CSNK1G1: variants seen among roughly 807,000 people sequenced by gnomAD.
The protein encoded by CSNK1G1 is casein kinase 1 gamma 1, also known as casein kinase I isoform gamma-1.
In CSNK1G1, 22 loss-of-function variants were observed where a neutral mutation model predicts 59.6. The observed-to-expected ratio is 0.37, with a 90% confidence interval of 0.26 to 0.53. The LOEUF (loss-of-function observed/expected upper bound fraction) is 0.53, where lower values mean the gene tolerates loss of function less well. CSNK1G1 is among the 20% of genes least tolerant of loss of function. The pLI is 0.89. For missense variants in CSNK1G1, 384 were observed against 519.5 expected (o/e 0.74, Z 2.54); for synonymous variants, 179 against 177.1 (o/e 1.01, Z -0.08).
chr15:64,237,463 G>A (rs995677292), intron 4 of CSNK1G1, among the ~76,000 whole-genome samples: 1 of 152,098 alleles, frequency 6.6e-6, no homozygotes, highest in African/African-American at 2.4e-5. Context: ...AAGATCAAAA[G>A]GTTTCTTCTA....
rs140434152 is a variant in CSNK1G1, at chr15:64,222,705, G to A, written c.293-5992C>T. Reference sequence around the variant, plus strand: ...AAAAAAAAACCCAAAATGAGATGCAGTGACTTCACCTCCTACCTACTGAGT... The same window carrying A: ...AAAAAAAAACCCAAAATGAGATGCAATGACTTCACCTCCTACCTACTGAGT... On this transcript the variant is annotated intron_variant, in intron 4 of 11. Coordinates refer to ENST00000303052, the MANE Select transcript of CSNK1G1 (RefSeq NM_022048.5). Among the ~76,000 whole-genome samples the A allele has an allele frequency of 4.1e-3, 619 of 150,954 alleles. 1 individual carries two copies. Among genetic ancestry groups the A allele is most frequent in the Non-Finnish European group, 6.8e-3 (461 of 67,882 alleles).
At chr15:64,257,814 G>A (rs1233666136) in intron 3 of CSNK1G1, among the ~76,000 whole-genome samples, 1 of 152,162 alleles carries the variant, frequency 6.6e-6, no homozygotes, top group East Asian at 1.9e-4. Flanking sequence ...ATGAGCCACT[G>A]TGTCTGTTCG....
At chr15:64,194,708 G>C (rs1014378127) in intron 10 of CSNK1G1, among the ~76,000 whole-genome samples, 47 of 151,760 alleles carry the variant, frequency 3.1e-4, no homozygotes, top group Middle Eastern at 3.4e-3. Context: ...TAGAGACAGG[G>C]TTTCACCATG....
At chr15:64,264,082 G>C (rs1892851352) in intron 2 of CSNK1G1, among the ~76,000 whole-genome samples, 2 of 152,010 alleles carry the variant, frequency 1.3e-5, no homozygotes, top group Non-Finnish European at 2.9e-5. Context: ...GAAAGTTCTT[G>C]TGAGAAAGTT....
rs1410943478 is a variant in CSNK1G1 at position 64,168,045 on chromosome 15, ATTACT to A, written c.*3881_*3885del. On this transcript the variant is annotated 3_prime_UTR_variant, in exon 12 of 12. Transcript: ENST00000303052. The stretch of plus-strand genomic sequence containing the variant: ...TCTTCCCACTGAACTAAGTTTGGAA[ATTACT>A]TTAGGGGTGATGGTCACCTTTTCTG... The A allele has an allele frequency of 2.6e-5, 4 of 152,388 alleles. No individual in the cohort carries two copies. The highest frequency in any genetic ancestry group is 2.0e-4 in the Admixed American group (3 of 15,282). 9.4% of individuals were successfully genotyped at this position (152,388 alleles called of 1,614,324 possible).
At chr15:64,241,867 C>T (rs1377384323) in intron 4 of CSNK1G1, among the ~76,000 whole-genome samples, 11 of 147,578 alleles carry the variant, frequency 7.5e-5, no homozygotes, top group Admixed American at 2.7e-4. Context: ...GAGCAGAAAT[C>T]AACAAAATTA....
chr15:64,204,682 A>G (rs1315767321), intron 8 of CSNK1G1, 93 bp from the exon 9 acceptor site: 8 of 1,371,766 alleles, frequency 5.8e-6, no homozygotes, highest in Non-Finnish European at 6.1e-6. Context: ...GGTTATTTAT[A>G]CAGACAATTT....
At chr15:64,299,404 T>C (rs867101046) in intron 2 of CSNK1G1, among the ~76,000 whole-genome samples, 37 of 151,984 alleles carry the variant, frequency 2.4e-4, no homozygotes, top group African/African-American at 7.2e-4. Flanking sequence ...CTGGCTAACA[T>C]GGTGAAACCC....
intron 2 of CSNK1G1, chr15:64,265,884 G>C (rs1892954345): frequency 2.2e-6 from 1 of 454,116 alleles, no homozygotes; most frequent in Admixed American, 2.4e-5. Flanking sequence ...AGGAGTTTGA[G>C]AGCAGCTAAG....
intron 2 of CSNK1G1, among the ~76,000 whole-genome samples, chr15:64,276,273 G>A (rs1265790418): frequency 6.6e-6 from 1 of 152,146 alleles, no homozygotes; most frequent in African/African-American, 2.4e-5. Context: ...AAACTGGAGT[G>A]AATCATTCTA....
chr15:64,269,575 C>T (rs1008235640), intron 2 of CSNK1G1, among the ~76,000 whole-genome samples: 5 of 150,378 alleles, frequency 3.3e-5, no homozygotes, highest in African/African-American at 1.2e-4. Flanking sequence ...CTCACTGCAA[C>T]CTCTGCCTCC....
At chr15:64,266,080 T>G (rs1481742613) in intron 2 of CSNK1G1, among the ~76,000 whole-genome samples, 1 of 152,140 alleles carries the variant, frequency 6.6e-6, no homozygotes, top group Non-Finnish European at 1.5e-5. Context: ...TTTTTTTTTT[T>G]GGAGACAGAG....
chr15:64,348,968 C>T (rs749478986), intron 1 of CSNK1G1, among the ~76,000 whole-genome samples: 11 of 151,998 alleles, frequency 7.2e-5, no homozygotes, highest in Non-Finnish European at 1.3e-4. Context: ...CCCATCTCTA[C>T]TAAAAATACA....
chr15:64,331,320 A>G (rs1897101811), intron 1 of CSNK1G1, among the ~76,000 whole-genome samples: 1 of 140,816 alleles, frequency 7.1e-6, no homozygotes, highest in Non-Finnish European at 1.5e-5. Flanking sequence ...TACTAGTACC[A>G]AAACAGAGAT....
At chr15:64,283,203 C>T (rs1365427947) in intron 2 of CSNK1G1, among the ~76,000 whole-genome samples, 1 of 152,030 alleles carries the variant, frequency 6.6e-6, no homozygotes, top group Non-Finnish European at 1.5e-5. Flanking sequence ...AAAAAAAAAT[C>T]CTTTGCCTAT....
At chr15:64,308,988 T>C (rs1895846043) in intron 1 of CSNK1G1, among the ~76,000 whole-genome samples, 2 of 152,124 alleles carry the variant, frequency 1.3e-5, no homozygotes, top group African/African-American at 4.8e-5. Context: ...ACTGTTCCCT[T>C]ATATTTTATG....
chr15:64,248,437 G>A (rs1891876537), intron 4 of CSNK1G1, among the ~76,000 whole-genome samples: 1 of 152,068 alleles, frequency 6.6e-6, no homozygotes, highest in Admixed American at 6.6e-5. Flanking sequence ...TTCTGCCACT[G>A]AACTACTTGC....
intron 1 of CSNK1G1, among the ~76,000 whole-genome samples, chr15:64,305,336 A>G (rs1440711634): frequency 1.3e-5 from 2 of 152,186 alleles, no homozygotes; most frequent in Admixed American, 6.6e-5. Flanking sequence ...TTATAAAACT[A>G]TCAATAACTA....
rs538098346 is a variant in CSNK1G1 at position 64,350,641 on chromosome 15, T to A, written c.-225+5347A>T. ...TATAACTCAATATAAAAATGCAAGATCTTTGGTTACATGTTCACTGATAGA... is the reference window on the plus strand; with the variant it reads ...TATAACTCAATATAAAAATGCAAGAACTTTGGTTACATGTTCACTGATAGA... On this transcript the variant is annotated intron_variant, in intron 1 of 11. Coordinates refer to ENST00000303052, the MANE Select transcript of CSNK1G1 (RefSeq NM_022048.5). 4.6e-5 allele frequency among the ~76,000 whole-genome samples: 7 copies of A among 152,306 alleles called. No individual in the cohort carries two copies. In the East Asian group the frequency reaches 9.6e-4, roughly 21 times the overall value.
Sources: allele counts gnomAD v4.1 joint callset (sites outside exome capture counted in the v4.1 genomes callset), GRCh38; gene constraint gnomAD v4.1.1; transcripts MANE v1.5; gene names NCBI Gene and HGNC (gene_info 2026-07-23, HGNC 2026-07-21).